Variants in PRPSAP1 observed in about 807,000 individuals in gnomAD.
PRPSAP1 encodes the protein phosphoribosyl pyrophosphate synthase-associated protein 1.
Under a neutral mutation model 39.4 loss-of-function variants are expected in PRPSAP1, and 31 were observed. The observed-to-expected ratio is 0.79, with a 90% CI of 0.59 to 1.06. The LOEUF (loss-of-function observed/expected upper bound fraction) is 1.06, where lower values mean the gene tolerates loss of function less well. PRPSAP1 is among the 50% of genes least tolerant of loss of function. PRPSAP1 has a pLI of 0.00. For synonymous variants in PRPSAP1, 212 were observed against 192.6 expected, an observed-to-expected ratio of 1.10 and a Z score of -0.83; for missense variants, 430 against 511.6, an observed-to-expected ratio of 0.84 and a Z score of 1.54.
chr17:76,317,115 G>A (rs1419146280), intron 7 of PRPSAP1, among the ~76,000 whole-genome samples: 4 of 152,248 alleles, frequency 2.6e-5, no homozygotes, highest in African/African-American at 9.6e-5. Context: ...TGTGATCCCA[G>A]CACTTTGGCA....
intron 2 of PRPSAP1, among the ~76,000 whole-genome samples, chr17:76,345,024 A>T (rs1032563049): frequency 2.0e-5 from 3 of 151,992 alleles, no homozygotes; most frequent in Admixed American, 2.0e-4. Flanking sequence ...TCACGAGGTC[A>T]GGAGATCGAG....
chr17:76,352,368 G>C (rs913504884), intron 1 of PRPSAP1, among the ~76,000 whole-genome samples: 4 of 152,246 alleles, frequency 2.6e-5, no homozygotes, highest in East Asian at 1.9e-4. Flanking sequence ...CCATTTCACC[G>C]GGCGCGGTGG....
intron 2 of PRPSAP1, among the ~76,000 whole-genome samples, chr17:76,344,939 A>G (rs1451138640): frequency 6.6e-6 from 1 of 152,108 alleles, no homozygotes; most frequent in East Asian, 1.9e-4. Context: ...TGTCTCTACA[A>G]AAAATACAAG....
At chr17:76,323,141 A>T (rs928532613) in intron 7 of PRPSAP1, among the ~76,000 whole-genome samples, 4 of 138,172 alleles carry the variant, frequency 2.9e-5, no homozygotes, top group Admixed American at 1.4e-4. Flanking sequence ...CAGGAGTTTG[A>T]GATCAGCCTG....
intron 3 of PRPSAP1, among the ~76,000 whole-genome samples, chr17:76,332,969 C>T (rs2071339669): frequency 1.3e-5 from 2 of 151,608 alleles, no homozygotes; most frequent in African/African-American, 2.4e-5. Context: ...CAGCTCACTG[C>T]AGGCTCCGCC....
intron 7 of PRPSAP1, among the ~76,000 whole-genome samples, chr17:76,325,799 G>A (rs1330299552): frequency 1.3e-5 from 2 of 151,756 alleles, no homozygotes; most frequent in Admixed American, 1.3e-4. Context: ...GTAGAGACGC[G>A]ATTTCACAGT....
At chr17:76,330,452 C>T in intron 5 of PRPSAP1, 99 bp downstream of exon 5, 2 of 859,920 alleles carry the variant, frequency 2.3e-6, no homozygotes, top group Non-Finnish European at 3.6e-6. Flanking sequence ...TAAGGGAGAG[C>T]TCATTTGATG....
intron 7 of PRPSAP1, among the ~76,000 whole-genome samples, chr17:76,317,005 C>T (rs419793): frequency 0.14 from 20,628 of 152,262 alleles, 1,476 homozygotes; most frequent in South Asian, 0.2. Flanking sequence ...ATTCCTTACC[C>T]ATTTTGACCT....
chr17:76,326,875 C>G (rs775191172), intron 7 of PRPSAP1, among the ~76,000 whole-genome samples: 1 of 151,310 alleles, frequency 6.6e-6, no homozygotes, highest in Non-Finnish European at 1.5e-5. Context: ...CAAATATACA[C>G]GAAGGTATTT....
chr17:76,338,748 A>T (rs1352541429), intron 3 of PRPSAP1, among the ~76,000 whole-genome samples: 1 of 151,716 alleles, frequency 6.6e-6, no homozygotes, highest in Non-Finnish European at 1.5e-5. Context: ...AAAATAAAAA[A>T]TTAGGCCAGG....
chr17:76,312,684 A>C, intron 9 of PRPSAP1, 186 bp downstream of exon 9: 1 of 606,232 alleles, frequency 1.6e-6, no homozygotes, highest in Non-Finnish European at 2.6e-6. Context: ...AAAACTTCTA[A>C]GTTGAACCAT....
chr17:76,335,528 G>GT (rs1443591172), intron 3 of PRPSAP1, among the ~76,000 whole-genome samples: 1 of 151,892 alleles, frequency 6.6e-6, no homozygotes, highest in African/African-American at 2.4e-5. Flanking sequence ...GCTAATTTTT[G>GT]TATTTTTAGT....
At chr17:76,337,537 A>G (rs2071393022) in intron 3 of PRPSAP1, 1 of 152,332 alleles carries the variant, frequency 6.6e-6, no homozygotes, top group Non-Finnish European at 1.5e-5. Context: ...CACAGCTGGA[A>G]GTAATGGGGG....
intron 7 of PRPSAP1, among the ~76,000 whole-genome samples, chr17:76,320,184 C>T (rs2071174180): frequency 6.6e-6 from 1 of 151,752 alleles, no homozygotes; most frequent in African/African-American, 2.4e-5. Context: ...CCACGAGAAT[C>T]ACTTGAAACT....
At chr17:76,344,556 G>T (rs1483642164) in intron 3 of PRPSAP1, 115 bp downstream of exon 3, 5 of 957,398 alleles carry the variant, frequency 5.2e-6, no homozygotes, top group Non-Finnish European at 7.9e-6. Flanking sequence ...TGAGCCACAC[G>T]CCCGGCCTGA....
At chr17:76,349,697 G>A (rs961079263) in intron 1 of PRPSAP1, among the ~76,000 whole-genome samples, 2 of 151,070 alleles carry the variant, frequency 1.3e-5, no homozygotes, top group African/African-American at 2.4e-5. Context: ...GGAGGCAGAG[G>A]TTGCCGTGAG....
At chr17:76,317,451 G>C (rs764636566) in intron 7 of PRPSAP1, among the ~76,000 whole-genome samples, 1 of 152,208 alleles carries the variant, frequency 6.6e-6, no homozygotes, top group Non-Finnish European at 1.5e-5. Context: ...TTGAACCCGG[G>C]AGGTGGAGGA....
At chr17:76,316,155 AAC>A (rs1208444969) in intron 7 of PRPSAP1, among the ~76,000 whole-genome samples, 1 of 149,362 alleles carries the variant, frequency 6.7e-6, no homozygotes, top group African/African-American at 2.5e-5. Flanking sequence ...CAGCCTGGGC[AAC>A]AGAGTGAGAC....
At chr17:76,320,352 G>GAAGA (rs1555592799) in intron 7 of PRPSAP1, among the ~76,000 whole-genome samples, 3,726 of 99,230 alleles carry the variant, frequency 0.038, 176 homozygotes, top group African/African-American at 0.094. Flanking sequence ...AGGAAGGAAG[G>GAAGA]AAGAAAAAGG....
Sources: gnomAD v4.1 joint callset for allele counts (sites outside exome capture counted in the v4.1 genomes callset) on GRCh38, gnomAD v4.1.1 for gene constraint, MANE v1.5 for transcripts, NCBI Gene and HGNC (gene_info 2026-07-23, HGNC 2026-07-21) for gene names.